Variants in NFAT5 observed in about 807,000 individuals in gnomAD.
The protein encoded by NFAT5 is nuclear factor of activated T cells 5.
NFAT5 carries 31 observed loss-of-function variants against 166.5 expected under a neutral mutation model. The observed-to-expected ratio is 0.19, with a 90% CI of 0.14 to 0.25. The LOEUF (loss-of-function observed/expected upper bound fraction) is 0.25. NFAT5 is among the 10% of genes least tolerant of loss of function. The probability of loss-of-function intolerance (pLI) is 1.00; values close to 1 mark genes in which losing one functional copy is unlikely to be tolerated. For synonymous variants in NFAT5, 612 were observed against 639.7 expected, an observed-to-expected ratio of 0.96 and a Z score of 0.65; for missense variants, 1,449 against 1,821.8, an observed-to-expected ratio of 0.80 and a Z score of 3.72.
intron 10 of NFAT5, among the ~76,000 whole-genome samples, chr16:69,678,866 C>T (rs2036940109): frequency 6.6e-6 from 1 of 152,224 alleles, no homozygotes; most frequent in African/African-American, 2.4e-5. Context: ...AAAACAGTAG[C>T]TAGGACAGAA....
intron 11 of NFAT5, among the ~76,000 whole-genome samples, chr16:69,687,480 C>A (rs1428283322): frequency 6.9e-6 from 1 of 144,332 alleles, no homozygotes; most frequent in African/African-American, 2.6e-5. Flanking sequence ...ATAAAATTAA[C>A]CTTTGTGACC....
intron 3 of NFAT5, among the ~76,000 whole-genome samples, chr16:69,634,228 G>A (rs911335881): frequency 3.6e-5 from 5 of 140,690 alleles, no homozygotes; most frequent in African/African-American, 1.4e-4. Context: ...ACAGTGAGCC[G>A]AGATCATGCC....
intron 2 of NFAT5, among the ~76,000 whole-genome samples, chr16:69,617,736 T>A (rs2034019287): frequency 6.6e-6 from 1 of 151,924 alleles, no homozygotes; most frequent in Admixed American, 6.6e-5. Context: ...AAAGTGATCC[T>A]CCCAACTTGG....
intron 2 of NFAT5, among the ~76,000 whole-genome samples, chr16:69,612,210 T>TCC (rs796709363): frequency 2.6e-5 from 4 of 152,338 alleles, no homozygotes; most frequent in African/African-American, 9.6e-5. Context: ...GAGTGTCTCT[T>TCC]GTAAGTAGCG....
intron 3 of NFAT5, among the ~76,000 whole-genome samples, chr16:69,641,706 G>A (rs997036925): frequency 2.6e-5 from 4 of 152,086 alleles, no homozygotes; most frequent in Non-Finnish European, 4.4e-5. Flanking sequence ...ATAATTTCTA[G>A]TTGACAAATC....
chr16:69,670,315 T>C (rs772980046), intron 9 of NFAT5, 27 bp downstream of exon 9: 1 of 1,452,116 alleles, frequency 6.9e-7, no homozygotes, highest in Non-Finnish European at 9.5e-7. Flanking sequence ...TTTTATAATT[T>C]GGTTATTTAC....
chr16:69,607,095 T>A (rs1200702100), intron 2 of NFAT5, among the ~76,000 whole-genome samples: 1 of 152,206 alleles, frequency 6.6e-6, no homozygotes. Flanking sequence ...ACATTATTGC[T>A]AGTGCTTACA....
intron 2 of NFAT5, among the ~76,000 whole-genome samples, chr16:69,580,954 C>T (rs962543302): frequency 4.6e-5 from 7 of 151,988 alleles, no homozygotes; most frequent in East Asian, 1.9e-4. Context: ...CGCACCCGGC[C>T]GAAATCCAAA....
At chr16:69,686,988 G>A (rs2037333579) in intron 11 of NFAT5, among the ~76,000 whole-genome samples, 1 of 152,070 alleles carries the variant, frequency 6.6e-6, no homozygotes, top group Non-Finnish European at 1.5e-5. Flanking sequence ...ATTCTTAGGA[G>A]GAGAAAAAGA....
At chr16:69,624,974 A>G (rs1421627609) in intron 2 of NFAT5, among the ~76,000 whole-genome samples, 3 of 150,886 alleles carry the variant, frequency 2.0e-5, no homozygotes, top group Admixed American at 2.0e-4. Flanking sequence ...ATCTTGGCTC[A>G]CTGCAGCCTC....
chr16:69,571,365 C>G (rs74189239), intron 2 of NFAT5, among the ~76,000 whole-genome samples: 4,663 of 151,994 alleles, frequency 0.031, 152 homozygotes, highest in East Asian at 0.15. Context: ...CTCCTGACTA[C>G]CCTTTGAGAT....
chr16:69,590,992 C>T (rs2032425008), intron 2 of NFAT5, among the ~76,000 whole-genome samples: 1 of 152,082 alleles, frequency 6.6e-6, no homozygotes, highest in African/African-American at 2.4e-5. Flanking sequence ...AGTGCAGTGG[C>T]GTAATCTCGG....
rs1201401062 is a variant in NFAT5 at position 69,587,091 on chromosome 16, C to CT, written c.127+18552dup. 1.3e-4 allele frequency among the ~76,000 whole-genome samples: 20 copies of CT among 150,744 alleles called. 2 individuals are homozygous for CT. The highest frequency in any genetic ancestry group is 3.9e-4 in the East Asian group (2 of 5,130). ...TGTGAATATTAAAGTGCTTTTTTTT[C>CT]TTTTTTTTTGAGACAAAGTCTCGCT... is the stretch of plus-strand genomic sequence containing the variant. On this transcript the variant is annotated intron_variant, in intron 2 of 14. Coordinates refer to ENST00000349945, the MANE Select transcript of NFAT5 (RefSeq NM_138713.4).
intron 9 of NFAT5, among the ~76,000 whole-genome samples, chr16:69,671,331 T>C (rs2036612789): frequency 6.6e-6 from 1 of 152,190 alleles, no homozygotes; most frequent in African/African-American, 2.4e-5. Flanking sequence ...TGGGAAGTGC[T>C]ATACTTAGTG....
chr16:69,647,567 A>G lies in NFAT5; in HGVS notation c.793A>G (p.Asn265Asp). ...TCAGCTTACCACGGACAACAAAGGC[A>G]ACTCAAAAGCGGGAAATGGGTTGGT... Reference protein sequence around the residue: ...LSQLTTDNKGNSKAGNGTLEN... With the variant: ...LSQLTTDNKGDSKAGNGTLEN... Residue 265 changes from asparagine to aspartate, a missense_variant, in exon 4 of 15, where the codon AAC (asparagine) becomes GAC (aspartate). Transcript: ENST00000349945. The surrounding 1 kb of genome is among the most constrained non-coding windows in gnomAD (Gnocchi z 4.8). 6.3e-7 allele frequency: 1 copy of G among 1,578,846 alleles called. No homozygotes were observed. The highest frequency in any genetic ancestry group is 8.6e-7 in the Non-Finnish European group (1 of 1,164,066).
intron 5 of NFAT5, among the ~76,000 whole-genome samples, 157 bp from the exon 6 acceptor site, chr16:69,655,450 CTT>C (rs1597479773): frequency 6.6e-6 from 1 of 152,066 alleles, no homozygotes; most frequent in African/African-American, 2.4e-5. Flanking sequence ...TTAGCCAACT[CTT>C]TTATGAAAAT....
At chr16:69,585,107 C>T (rs529856761) in intron 2 of NFAT5, among the ~76,000 whole-genome samples, 2 of 152,138 alleles carry the variant, frequency 1.3e-5, no homozygotes, top group Admixed American at 6.6e-5. Flanking sequence ...AAGCGATTCT[C>T]CTGCCTCAGC....
chr16:69,653,437 T>C lies in NFAT5; in HGVS notation c.1005+9T>C. On this transcript the variant is annotated intron_variant, in intron 5 of 14. Transcript: ENST00000349945. ...GCTTTCCTACAGTAAAGGTATTTAC[T>C]TTATTTATCATTTGAATTTTAGTTA... The C allele has an allele frequency of 1.4e-6, 2 of 1,465,716 alleles. No individual in the cohort carries two copies. The highest frequency in any genetic ancestry group is 1.8e-6 in the Non-Finnish European group (2 of 1,102,612). 90.8% of individuals were successfully genotyped at this position (1,465,716 alleles called of 1,614,324 possible).
chr16:69,566,928 C>T lies in NFAT5; in HGVS notation c.73+554C>T, dbSNP rs976076316. On this transcript the variant is annotated intron_variant, in intron 1 of 14. Coordinates refer to ENST00000349945, the MANE Select transcript of NFAT5 (RefSeq NM_138713.4). This position sits in a 1 kb window ranked among gnomAD's most constrained non-coding sequence, Gnocchi z 5.7. ...CCCTCCGGCCTAGTCCACTCCCTCC[C>T]CATGTTGGGACAGCCCCCCTCGACC... Among the ~76,000 whole-genome samples, 5 of 152,196 alleles carry T rather than the reference C, an allele frequency of 3.3e-5. No homozygotes were observed. The highest frequency in any genetic ancestry group is 5.9e-5 in the Non-Finnish European group (4 of 68,020).
Sources: gnomAD v4.1 joint callset for allele counts (sites outside exome capture counted in the v4.1 genomes callset) on GRCh38, gnomAD v4.1.1 for gene constraint, Gnocchi (gnomAD v3.1) non-coding constraint, MANE v1.5 for transcripts, NCBI Gene and HGNC (gene_info 2026-07-23, HGNC 2026-07-21) for gene names.